Variants in TENM2 observed in about 807,000 individuals in gnomAD.
TENM2 encodes teneurin transmembrane protein 2.
Under a neutral mutation model 245.2 loss-of-function variants are expected in TENM2, and 52 were observed. That is an observed-to-expected ratio of 0.21 (90% CI 0.17 to 0.27). The LOEUF is 0.27. Among genes scored for constraint, TENM2 ranks in the 10% least tolerant of loss-of-function variants. TENM2 has a pLI of 1.00. For missense variants in TENM2, 3,046 were observed against 3,666.8 expected (o/e 0.83, Z 4.37); for synonymous variants, 1,363 against 1,438.9 (o/e 0.95, Z 1.19).
At chr5:167,383,088 G>A (rs976069100) in intron 2 of TENM2, among the ~76,000 whole-genome samples, 1 of 152,084 alleles carries the variant, frequency 6.6e-6, no homozygotes, top group South Asian at 2.1e-4. Context: ...GCCATTGTGT[G>A]TATGTCTCTT....
At chr5:167,328,250 A>G (rs1351932789) in intron 1 of TENM2, among the ~76,000 whole-genome samples, 4 of 117,498 alleles carry the variant, frequency 3.4e-5, no homozygotes, top group African/African-American at 1.4e-4. Flanking sequence ...CTCTGTCGCC[A>G]GGCTGGAGTG....
At chr5:167,104,902 G>T in the TENM2 span, among the ~76,000 whole-genome samples, 1 of 152,190 alleles carries the variant, frequency 6.6e-6, no homozygotes, top group African/African-American at 2.4e-5. Context: ...TCTACTGAAT[G>T]TGATGGAATA....
At chr5:168,108,687 A>G (rs1040146188) in intron 9 of TENM2, among the ~76,000 whole-genome samples, 2 of 152,162 alleles carry the variant, frequency 1.3e-5, no homozygotes, top group Admixed American at 6.5e-5. Flanking sequence ...CCTGATAGCC[A>G]TCCAAAAGAG....
At chr5:167,599,068 C>T (rs539827249) in intron 2 of TENM2, among the ~76,000 whole-genome samples, 1 of 152,228 alleles carries the variant, frequency 6.6e-6, no homozygotes, top group African/African-American at 2.4e-5. Context: ...TGGAAGCAGA[C>T]ATTAAAAGGC....
intron 25 of TENM2, chr5:168,229,714 C>T (rs1267336219): frequency 6.6e-6 from 1 of 152,172 alleles, no homozygotes; most frequent in African/African-American, 2.4e-5. Context: ...CCCAGGTGAC[C>T]TCCCTGCAGA....
chr5:167,185,535 T>A, the TENM2 span, among the ~76,000 whole-genome samples: 1 of 152,138 alleles, frequency 6.6e-6, no homozygotes, highest in Non-Finnish European at 1.5e-5. Flanking sequence ...ATTTGAATAT[T>A]TGAGAATATA....
At chr5:167,778,672 A>G (rs1406332969) in intron 2 of TENM2, among the ~76,000 whole-genome samples, 1 of 152,214 alleles carries the variant, frequency 6.6e-6, no homozygotes, top group African/African-American at 2.4e-5. Context: ...ACAATAGTAT[A>G]TAGTCAACAG....
chr5:167,474,555 C>T (rs1474059838), intron 2 of TENM2, among the ~76,000 whole-genome samples: 1 of 150,980 alleles, frequency 6.6e-6, no homozygotes, highest in South Asian at 2.1e-4. Context: ...ACTCTGTCGC[C>T]CAGGCTGGAG....
chr5:167,503,750 C>T (rs1240898190), intron 2 of TENM2, among the ~76,000 whole-genome samples: 1 of 152,022 alleles, frequency 6.6e-6, no homozygotes, highest in Non-Finnish European at 1.5e-5. Context: ...AAAAATTAGC[C>T]AGGCCCAGTG....
At chr5:167,006,358 A>AT in the TENM2 span, among the ~76,000 whole-genome samples, 2 of 152,214 alleles carry the variant, frequency 1.3e-5, no homozygotes, top group Non-Finnish European at 2.9e-5. Context: ...CTTTAGAGTC[A>AT]TTTCTTCTTA....
At chr5:167,211,230 C>G in the TENM2 span, among the ~76,000 whole-genome samples, 1 of 152,182 alleles carries the variant, frequency 6.6e-6, no homozygotes, top group Non-Finnish European at 1.5e-5. Flanking sequence ...TCGTGGCTAA[C>G]TTGAAACTGC....
chr5:168,093,922 A>G (rs985245423), intron 8 of TENM2, among the ~76,000 whole-genome samples: 2 of 148,692 alleles, frequency 1.3e-5, no homozygotes, highest in African/African-American at 4.9e-5. Context: ...GGAAAGTTAA[A>G]TGAAAAATAC....
intron 25 of TENM2, among the ~76,000 whole-genome samples, chr5:168,231,212 C>A (rs1234108571): frequency 6.6e-6 from 1 of 151,222 alleles, no homozygotes; most frequent in Admixed American, 6.6e-5. Context: ...TTTCTGAGTG[C>A]CTAAGAAGAA....
chr5:167,634,965 G>A (rs972039274), intron 2 of TENM2, among the ~76,000 whole-genome samples: 1 of 152,072 alleles, frequency 6.6e-6, no homozygotes, highest in Non-Finnish European at 1.5e-5. Context: ...TAAGTTTTTG[G>A]TAGATCATCA....
chr5:167,212,752 G>A, the TENM2 span, among the ~76,000 whole-genome samples: 1 of 152,188 alleles, frequency 6.6e-6, no homozygotes, highest in Non-Finnish European at 1.5e-5. Flanking sequence ...TCAAAAGGCA[G>A]AAGAATTAGA....
chr5:167,477,726 T>A lies in TENM2; in HGVS notation c.502+102253T>A, dbSNP rs143056153. On this transcript the variant is annotated intron_variant, in intron 2 of 28. Coordinates refer to ENST00000518659, the Ensembl canonical transcript of TENM2. ...TTATTGGTAAGATATATTTTTAATA[T>A]CACTTTTTCTTCCTTCTCCACTTTG... is the stretch of plus-strand genomic sequence containing the variant. Among the ~76,000 whole-genome samples, 641 of 152,210 alleles carry A rather than the reference T, an allele frequency of 4.2e-3. 7 individuals are homozygous for A. Among genetic ancestry groups the A allele is most frequent in the African/African-American group, 0.015 (605 of 41,540 alleles).
At chr5:167,928,721 C>T (rs1220880741) in intron 3 of TENM2, among the ~76,000 whole-genome samples, 1 of 151,134 alleles carries the variant, frequency 6.6e-6, no homozygotes, top group African/African-American at 2.4e-5. Context: ...TGGTGAAACC[C>T]CATCTCTACT....
chr5:167,165,045 C>G, the TENM2 span: 1 of 152,180 alleles, frequency 6.6e-6, no homozygotes, highest in Non-Finnish European at 1.5e-5. Context: ...ATTAAAATCT[C>G]TTTACAATGT....
chr5:167,129,445 C>G, the TENM2 span, among the ~76,000 whole-genome samples: 3 of 152,056 alleles, frequency 2.0e-5, no homozygotes, highest in Non-Finnish European at 4.4e-5. Flanking sequence ...TAAGCAACAG[C>G]CTGAGAGCAA....
Sources: allele counts gnomAD v4.1 joint callset (sites outside exome capture counted in the v4.1 genomes callset), GRCh38; gene constraint gnomAD v4.1.1; transcripts MANE v1.5; gene names NCBI Gene and HGNC (gene_info 2026-07-23, HGNC 2026-07-21).